The following EPHA7 variants were observed in gnomAD, a reference collection of about 807,000 sequenced individuals.
The protein encoded by EPHA7 is ephrin type-A receptor 7.
Under a neutral mutation model 112.6 loss-of-function variants are expected in EPHA7, and 25 were observed. That is an observed-to-expected ratio of 0.22 (90% confidence interval 0.16 to 0.31). EPHA7 has a LOEUF of 0.31. Among genes scored for constraint, EPHA7 ranks in the 10% least tolerant of loss-of-function variants. EPHA7 has a pLI of 1.00. For synonymous variants in EPHA7, 437 were observed against 406.5 expected (o/e 1.07, Z -0.90); for missense variants, 962 against 1,212.6 (o/e 0.79, Z 3.07).
At position 93,359,392 on chromosome 6, in the gene EPHA7, T is replaced by G. The variant is rs182482639; in HGVS notation, c.833-981A>C. 2.3e-3 allele frequency among the ~76,000 whole-genome samples: 343 copies of G among 150,126 alleles called. 1 individual carries two copies. Among genetic ancestry groups the G allele is most frequent in the African/African-American group, 7.7e-3 (316 of 41,226 alleles). ...TATAATATATTATATATTGAAGACA[T>G]TCAATCTATTCTTCATATTTATTAA... On this transcript the variant is annotated intron_variant, in intron 3 of 16. Coordinates refer to ENST00000369303, the MANE Select transcript of EPHA7 (RefSeq NM_004440.4).
At chr6:93,331,522 T>G (rs1260876876) in intron 5 of EPHA7, among the ~76,000 whole-genome samples, 1 of 151,486 alleles carries the variant, frequency 6.6e-6, no homozygotes, top group Non-Finnish European at 1.5e-5. Context: ...TTATAACTTA[T>G]TTAGAAACAG....
At chr6:93,411,191 T>C in intron 2 of EPHA7, 21 bp from the exon 3 acceptor site, 2 of 1,581,004 alleles carry the variant, frequency 1.3e-6, no homozygotes, top group South Asian at 1.1e-5. Flanking sequence ...TGAAAAAAGG[T>C]CATCAGTCAT....
chr6:93,261,730 T>C (rs1770696429), intron 9 of EPHA7, among the ~76,000 whole-genome samples: 1 of 151,544 alleles, frequency 6.6e-6, no homozygotes, highest in Admixed American at 6.6e-5. Context: ...CCATTGCTAG[T>C]TTTCTCTAAT....
intron 5 of EPHA7, among the ~76,000 whole-genome samples, chr6:93,321,524 T>C (rs563683466): frequency 2.0e-5 from 3 of 152,038 alleles, no homozygotes; most frequent in Admixed American, 2.0e-4. Flanking sequence ...TTTGTTTTGT[T>C]AGACACAATT....
chr6:93,272,187 G>A (rs1228401403), intron 6 of EPHA7, 111 bp downstream of exon 6: 2 of 1,232,888 alleles, frequency 1.6e-6, no homozygotes, highest in Admixed American at 2.0e-5. Context: ...TAACTACGAA[G>A]TTTGAAGTAG....
At chr6:93,334,156 A>G (rs55662206) in intron 5 of EPHA7, among the ~76,000 whole-genome samples, 7,582 of 152,068 alleles carry the variant, frequency 0.05, 230 homozygotes, top group African/African-American at 0.08. Flanking sequence ...AACAGTGGGG[A>G]ATGAACTATT....
At chr6:93,305,767 C>T (rs1013792224) in intron 5 of EPHA7, among the ~76,000 whole-genome samples, 1 of 151,808 alleles carries the variant, frequency 6.6e-6, no homozygotes, top group Non-Finnish European at 1.5e-5. Context: ...ACTGTCAATA[C>T]CTCTACTAGA....
chr6:93,307,401 G>A (rs1337709952), intron 5 of EPHA7, among the ~76,000 whole-genome samples: 2 of 152,084 alleles, frequency 1.3e-5, no homozygotes, highest in Non-Finnish European at 2.9e-5. Context: ...GCCCTATGCA[G>A]TGATTTCTAG....
intron 3 of EPHA7, among the ~76,000 whole-genome samples, chr6:93,361,073 A>C (rs1445261617): frequency 2.0e-5 from 3 of 152,140 alleles, no homozygotes; most frequent in African/African-American, 7.2e-5. Flanking sequence ...AAGAGATATT[A>C]AACAGATATT....
chr6:93,405,803 G>GTATATATA (rs1394311184), intron 3 of EPHA7, among the ~76,000 whole-genome samples: 1 of 62,444 alleles, frequency 1.6e-5, no homozygotes, highest in Non-Finnish European at 3.0e-5. Flanking sequence ...GTGTGTGTGT[G>GTATATATA]TGTGTGTGTG....
intron 6 of EPHA7, among the ~76,000 whole-genome samples, chr6:93,270,167 TCA>T (rs1289578747): frequency 1.3e-5 from 2 of 151,764 alleles, no homozygotes; most frequent in African/African-American, 4.8e-5. Context: ...CCTGAATTTC[TCA>T]CAGAATAAAC....
intron 5 of EPHA7, among the ~76,000 whole-genome samples, chr6:93,309,579 T>G (rs1242880212): frequency 1.3e-5 from 2 of 152,154 alleles, no homozygotes; most frequent in Non-Finnish European, 2.9e-5. Context: ...TTAAAATATC[T>G]TTATTACATA....
At chr6:93,320,324 T>A (rs72914234) in intron 5 of EPHA7, among the ~76,000 whole-genome samples, 1 of 152,104 alleles carries the variant, frequency 6.6e-6, no homozygotes, top group East Asian at 1.9e-4. Flanking sequence ...CAAAGCATTT[T>A]AATATATAAG....
chr6:93,302,827 A>T (rs1199302755), intron 5 of EPHA7, among the ~76,000 whole-genome samples: 3 of 152,048 alleles, frequency 2.0e-5, no homozygotes, highest in Non-Finnish European at 4.4e-5. Flanking sequence ...GTCATGGAAG[A>T]GAAATAGTTG....
intron 5 of EPHA7, among the ~76,000 whole-genome samples, chr6:93,301,330 A>G (rs1008094857): frequency 1.3e-5 from 2 of 152,166 alleles, no homozygotes; most frequent in Non-Finnish European, 2.9e-5. Context: ...ATTGAGATAG[A>G]TATCTATTAC....
At chr6:93,398,395 G>C (rs3799800) in intron 3 of EPHA7, among the ~76,000 whole-genome samples, 16,411 of 151,948 alleles carry the variant, frequency 0.11, 1,025 homozygotes, top group East Asian at 0.31. Context: ...ATTGATCAAA[G>C]TGTGATTTAT....
chr6:93,293,496 A>G (rs1421110571), intron 5 of EPHA7, among the ~76,000 whole-genome samples: 1 of 152,190 alleles, frequency 6.6e-6, no homozygotes, highest in South Asian at 2.1e-4. Context: ...TCCCAAGATC[A>G]TCATTATGGA....
intron 7 of EPHA7, among the ~76,000 whole-genome samples, chr6:93,268,329 GAA>G (rs1194274834): frequency 6.6e-6 from 1 of 151,662 alleles, no homozygotes; most frequent in African/African-American, 2.4e-5. Flanking sequence ...ATATGTGGAA[GAA>G]TAATACTGCT....
intron 11 of EPHA7, 98 bp downstream of exon 11, chr6:93,258,001 G>C: frequency 8.5e-7 from 1 of 1,174,004 alleles, no homozygotes; most frequent in Non-Finnish European, 1.2e-6. Context: ...CATTTAGACT[G>C]TGCAACATAT....
Sources: allele counts gnomAD v4.1 joint callset (sites outside exome capture counted in the v4.1 genomes callset), GRCh38; gene constraint gnomAD v4.1.1; transcripts MANE v1.5; gene names NCBI Gene and HGNC (gene_info 2026-07-23, HGNC 2026-07-21).